GPC6: variants seen among roughly 807,000 people sequenced by gnomAD.
The protein encoded by GPC6 is glypican-6.
GPC6 carries 14 observed loss-of-function variants against 55.2 expected under a neutral mutation model. That is an observed-to-expected ratio of 0.25 (90% CI 0.17 to 0.40). The LOEUF (loss-of-function observed/expected upper bound fraction) is 0.40. Ranked by LOEUF, GPC6 falls within the 10% of genes least tolerant of loss-of-function variation. The probability of loss-of-function intolerance (pLI) is 1.00; values close to 1 mark genes in which losing one functional copy is unlikely to be tolerated. For synonymous variants in GPC6, 278 were observed against 259.6 expected, an observed-to-expected ratio of 1.07 and a Z score of -0.68; for missense variants, 641 against 708.5, an observed-to-expected ratio of 0.90 and a Z score of 1.08.
intron 4 of GPC6, among the ~76,000 whole-genome samples, chr13:94,121,826 G>A (rs568417248): frequency 6.6e-6 from 1 of 152,168 alleles, no homozygotes; most frequent in South Asian, 2.1e-4. Context: ...TATTGAATCA[G>A]CATTGTTCAT....
chr13:94,035,402 A>G (rs376706976), intron 4 of GPC6, among the ~76,000 whole-genome samples: 1 of 152,238 alleles, frequency 6.6e-6, no homozygotes, highest in African/African-American at 2.4e-5. Context: ...TAGGAGATAA[A>G]AGGAACATGT....
chr13:93,487,198 G>T (rs1396888171), intron 1 of GPC6, among the ~76,000 whole-genome samples: 2 of 152,000 alleles, frequency 1.3e-5, no homozygotes, highest in Admixed American at 6.6e-5. Context: ...GATCATTATT[G>T]CAAGATTCTT....
intron 2 of GPC6, among the ~76,000 whole-genome samples, chr13:93,793,628 T>C (rs1886113940): frequency 6.6e-6 from 1 of 152,206 alleles, no homozygotes; most frequent in Admixed American, 6.5e-5. Flanking sequence ...TATCTTATAA[T>C]AATTATGAGC....
At chr13:93,985,689 C>CAAAAAAAAAAAAAA (rs34003218) in intron 3 of GPC6, among the ~76,000 whole-genome samples, 2 of 69,400 alleles carry the variant, frequency 2.9e-5, no homozygotes. Context: ...AAGACCTGGC[C>CAAAAAAAAAAAAAA]AAAAAAAAAA....
chr13:94,317,302 A>T (rs1164136392), intron 6 of GPC6, among the ~76,000 whole-genome samples: 1 of 152,250 alleles, frequency 6.6e-6, no homozygotes, highest in Non-Finnish European at 1.5e-5. Flanking sequence ...AACTCCCCAA[A>T]GCAGCCAGCA....
chr13:93,516,966 CTT>C (rs1351778197), intron 1 of GPC6, among the ~76,000 whole-genome samples: 3 of 152,092 alleles, frequency 2.0e-5, no homozygotes, highest in Non-Finnish European at 4.4e-5. Flanking sequence ...TACAAAGAGA[CTT>C]TGAATACATG....
intron 2 of GPC6, among the ~76,000 whole-genome samples, chr13:93,724,871 G>A (rs559129965): frequency 3.9e-5 from 6 of 151,948 alleles, no homozygotes; most frequent in South Asian, 2.1e-4. Flanking sequence ...TGTTACATCC[G>A]TATAAATGAG....
At chr13:94,010,240 C>A (rs1427971711) in intron 3 of GPC6, among the ~76,000 whole-genome samples, 2 of 152,100 alleles carry the variant, frequency 1.3e-5, no homozygotes, top group Admixed American at 6.5e-5. Flanking sequence ...AAACTTCCTT[C>A]AAAAAGGACT....
intron 1 of GPC6, among the ~76,000 whole-genome samples, chr13:93,401,476 G>T (rs116438816): frequency 1.6e-3 from 239 of 151,424 alleles, no homozygotes; most frequent in African/African-American, 5.5e-3. Flanking sequence ...TTCTAAAAGA[G>T]AATTATTGCA....
At chr13:93,679,684 T>C (rs1881776777) in intron 2 of GPC6, among the ~76,000 whole-genome samples, 1 of 152,170 alleles carries the variant, frequency 6.6e-6, no homozygotes, top group Non-Finnish European at 1.5e-5. Flanking sequence ...AAGTTTGTGA[T>C]CTTTCTGAAT....
intron 1 of GPC6, among the ~76,000 whole-genome samples, chr13:93,506,892 T>G (rs868864414): frequency 9.7e-5 from 2 of 20,584 alleles, no homozygotes; most frequent in Non-Finnish European, 9.3e-5. Flanking sequence ...AAAAAGAAAA[T>G]ACAAAAAAAA....
chr13:94,148,495 T>C (rs960625406), intron 4 of GPC6, among the ~76,000 whole-genome samples: 1 of 152,110 alleles, frequency 6.6e-6, no homozygotes, highest in Admixed American at 6.6e-5. Context: ...AGCTAATAGA[T>C]TCAATGGAAA....
At chr13:93,405,664 G>C (rs939261033) in intron 1 of GPC6, among the ~76,000 whole-genome samples, 1 of 151,620 alleles carries the variant, frequency 6.6e-6, no homozygotes, top group Non-Finnish European at 1.5e-5. Context: ...TTTCTTCAAG[G>C]ATAAGTAAAC....
At chr13:93,661,584 A>G (rs1057190528) in intron 2 of GPC6, among the ~76,000 whole-genome samples, 8 of 152,290 alleles carry the variant, frequency 5.3e-5, no homozygotes, top group African/African-American at 1.9e-4. Flanking sequence ...TACAGAAAGG[A>G]AGCAAGACCT....
At chr13:93,970,988 TTTCAAAACAATATGCTA>T (rs1880259794) in intron 3 of GPC6, among the ~76,000 whole-genome samples, 1 of 152,226 alleles carries the variant, frequency 6.6e-6, no homozygotes. Context: ...AGTCGTGTAA[TTTCAAAACAATATGCTA>T]CTCAAAAGCA....
At chr13:93,425,767 A>T (rs1002149619) in intron 1 of GPC6, among the ~76,000 whole-genome samples, 1 of 152,164 alleles carries the variant, frequency 6.6e-6, no homozygotes, top group Non-Finnish European at 1.5e-5. Context: ...CAAACTTCAC[A>T]TAATATGGCT....
At chr13:94,262,489 A>G (rs892586946) in intron 4 of GPC6, among the ~76,000 whole-genome samples, 10 of 152,268 alleles carry the variant, frequency 6.6e-5, no homozygotes, top group Non-Finnish European at 1.5e-4. Context: ...CCTGGCCAAC[A>G]TGGTGAAACC....
intron 1 of GPC6, among the ~76,000 whole-genome samples, chr13:93,532,668 C>A (rs894292178): frequency 9.9e-5 from 15 of 152,254 alleles, no homozygotes; most frequent in Admixed American, 4.6e-4. Flanking sequence ...TCTGATCACA[C>A]CTTCTTCTAT....
At chr13:94,225,551 G>A (rs920931560) in intron 4 of GPC6, among the ~76,000 whole-genome samples, 1 of 151,848 alleles carries the variant, frequency 6.6e-6, no homozygotes, top group Non-Finnish European at 1.5e-5. Context: ...TCCACGCAGT[G>A]TTTAATAATA....
Sources: gnomAD v4.1 joint callset for allele counts (sites outside exome capture counted in the v4.1 genomes callset) on GRCh38, gnomAD v4.1.1 for gene constraint, MANE v1.5 for transcripts, NCBI Gene and HGNC (gene_info 2026-07-23, HGNC 2026-07-21) for gene names.